Variants in ASIC2 observed in about 807,000 individuals in gnomAD.
ASIC2 encodes the protein acid-sensing ion channel 2.
A neutral mutation model predicts 57.3 loss-of-function variants in ASIC2; 25 were observed. That is an observed-to-expected ratio of 0.44 (90% CI 0.32 to 0.61). The LOEUF (loss-of-function observed/expected upper bound fraction) is 0.61, where lower values mean the gene tolerates loss of function less well. Among genes scored for constraint, ASIC2 ranks in the 20% least tolerant of loss-of-function variants. The pLI, the probability that ASIC2 is intolerant of heterozygous loss-of-function variation, is 0.06. For missense variants in ASIC2, 641 were observed against 738.1 expected, an observed-to-expected ratio of 0.87 and a Z score of 1.52; for synonymous variants, 319 against 307.5, an observed-to-expected ratio of 1.04 and a Z score of -0.39.
chr17:33,302,313 AT>A (rs1016206917), intron 1 of ASIC2, among the ~76,000 whole-genome samples: 1 of 152,236 alleles, frequency 6.6e-6, no homozygotes, highest in Non-Finnish European at 1.5e-5. Context: ...ACGAAAAGAT[AT>A]GCAGCTAAAA....
At chr17:33,438,850 T>C (rs1463973151) in intron 1 of ASIC2, among the ~76,000 whole-genome samples, 1 of 61,900 alleles carries the variant, frequency 1.6e-5, no homozygotes, top group Admixed American at 1.5e-4. Flanking sequence ...AGGGGAACCT[T>C]TTTTTTTTTT....
In ASIC2 at chr17:33,418,028, A is replaced by ATGTGTGTGTGTG. The variant is rs1161141315; in HGVS notation, c.556-305973_556-305962dup. On this transcript the variant is annotated intron_variant, in intron 1 of 9. Coordinates refer to the ASIC2 transcript ENST00000359872. ...CCACTCTGGCTCTCAGCATGTATGTATGTGTGTGTGTGTGTGTGTGTGTGT... is the reference window on the plus strand; with the variant it reads ...CCACTCTGGCTCTCAGCATGTATGTATGTGTGTGTGTGTGTGTGTGTGTGTGTGTGTGTGTGT... Among the ~76,000 whole-genome samples, 195 of 67,778 alleles carry ATGTGTGTGTGTG rather than the reference A, an allele frequency of 2.9e-3. 1 individual carries two copies. Among genetic ancestry groups the ATGTGTGTGTGTG allele is most frequent in the African/African-American group, 6.3e-3 (170 of 26,996 alleles). The allele number at this position is 67,778 out of a possible 152,430, so 44.5% of individuals were successfully genotyped here.
intron 1 of ASIC2, among the ~76,000 whole-genome samples, chr17:33,503,678 G>A (rs551495596): frequency 6.6e-6 from 1 of 152,268 alleles, no homozygotes; most frequent in African/African-American, 2.4e-5. Context: ...TGGATTAGGA[G>A]GAAAAGGACC....
At chr17:33,130,076 A>G (rs1284400208) in intron 1 of ASIC2, among the ~76,000 whole-genome samples, 1 of 152,118 alleles carries the variant, frequency 6.6e-6, no homozygotes, top group Non-Finnish European at 1.5e-5. Context: ...GTAAGCCCCT[A>G]GTAAAACCCC....
intron 1 of ASIC2, among the ~76,000 whole-genome samples, chr17:33,772,620 A>G (rs1048120094): frequency 1.3e-5 from 2 of 152,262 alleles, no homozygotes; most frequent in African/African-American, 4.8e-5. Flanking sequence ...TGTGGTATAC[A>G]AAGATACACT....
intron 1 of ASIC2, among the ~76,000 whole-genome samples, chr17:33,949,394 T>TCTGC (rs1241286482): frequency 2.6e-5 from 4 of 152,130 alleles, no homozygotes; most frequent in Non-Finnish European, 5.9e-5. Flanking sequence ...CCAACTCAAA[T>TCTGC]CTGCATAGCC....
rs545820080 is a variant in ASIC2, at chr17:34,084,959, A to C, written c.555+71019T>G. Among the ~76,000 whole-genome samples the C allele has an allele frequency of 2.6e-5, 4 of 152,332 alleles. No homozygotes were observed. In the East Asian group the frequency reaches 7.7e-4, roughly 29 times the overall value. ...TGGGGCTGAGACGATGGGGTTTTCT[A>C]GATATACAATCATGTTGTCTGCAAA... On this transcript the variant is annotated intron_variant, in intron 1 of 9. Coordinates refer to the ASIC2 transcript ENST00000359872.
intron 1 of ASIC2, among the ~76,000 whole-genome samples, chr17:33,418,020 A>ATGTGTG (rs1393294975): frequency 1.7e-4 from 20 of 117,644 alleles, no homozygotes; most frequent in African/African-American, 7.0e-4. Flanking sequence ...GGCTCTCAGC[A>ATGTGTG]TGTATGTATG....
At chr17:33,412,380 G>C (rs1373680863) in intron 1 of ASIC2, among the ~76,000 whole-genome samples, 1 of 152,136 alleles carries the variant, frequency 6.6e-6, no homozygotes, top group Non-Finnish European at 1.5e-5. Context: ...GGGTAGAGAG[G>C]GGGTGCTGAC....
Position 33,021,234 on chromosome 17 carries a change from C to A in ASIC2, c.1426G>T (p.Val476Phe). 1.4e-6 allele frequency: 2 copies of A among 1,464,126 alleles called. No homozygotes were observed. Among genetic ancestry groups the A allele is most frequent in the Non-Finnish European group, 1.8e-6 (2 of 1,084,720 alleles). The allele number at this position is 1,464,126 out of a possible 1,614,324, so 90.7% of individuals were successfully genotyped here. Residue 476 changes from valine (V) to phenylalanine (F), a missense_variant, in exon 7 of 10, where the codon GTT becomes TTT. By Grantham distance (50) the Val-to-Phe change is conservative. Transcript: ENST00000225823. Reference protein sequence around the residue: ...ETIEQKKAYEVAALLGDIGGQ... With the variant: ...ETIEQKKAYEFAALLGDIGGQ... Reference sequence around the variant, plus strand: ...ACTGACTTACCAAGTAAGGCAGCAACTTCATACGCCTTCTTCTGTTCAATT... The same window carrying A: ...ACTGACTTACCAAGTAAGGCAGCAAATTCATACGCCTTCTTCTGTTCAATT...
chr17:34,052,066 C>T (rs1908589518), intron 1 of ASIC2, among the ~76,000 whole-genome samples: 1 of 152,186 alleles, frequency 6.6e-6, no homozygotes. Flanking sequence ...GATTCATCCA[C>T]TCTTTCATCC....
intron 1 of ASIC2, among the ~76,000 whole-genome samples, chr17:33,561,322 G>A (rs1916067421): frequency 6.6e-6 from 1 of 152,150 alleles, no homozygotes; most frequent in Non-Finnish European, 1.5e-5. Flanking sequence ...TGACATGCTT[G>A]GGTTTTAAAA....
chr17:33,894,037 T>TTTTTTTTTTTTTTTTTTTTTTTTTGAG (rs1915027679), intron 1 of ASIC2, among the ~76,000 whole-genome samples: 1 of 152,124 alleles, frequency 6.6e-6, no homozygotes, highest in Non-Finnish European at 1.5e-5. Context: ...ATTTTGTTTT[T>TTTTTTTTTTTTTTTTTTTTTTTTTGAG]AAAGCTGATT....
At chr17:33,160,310 G>C (rs1905127834) in intron 1 of ASIC2, among the ~76,000 whole-genome samples, 1 of 152,074 alleles carries the variant, frequency 6.6e-6, no homozygotes, top group African/African-American at 2.4e-5. Context: ...CTCCCACCTG[G>C]AACCTCTCAG....
At chr17:33,916,972 G>A (rs911947966) in intron 1 of ASIC2, among the ~76,000 whole-genome samples, 7 of 152,160 alleles carry the variant, frequency 4.6e-5, no homozygotes, top group Admixed American at 4.6e-4. Flanking sequence ...ACACTGGTGA[G>A]TGGTGGTGTG....
At chr17:33,364,959 C>A (rs970743558) in intron 1 of ASIC2, among the ~76,000 whole-genome samples, 1 of 152,192 alleles carries the variant, frequency 6.6e-6, no homozygotes, top group African/African-American at 2.4e-5. Context: ...CCACATCTGG[C>A]CAGGCCATCC....
intron 1 of ASIC2, among the ~76,000 whole-genome samples, chr17:33,175,344 A>G (rs1200192839): frequency 6.6e-6 from 1 of 152,216 alleles, no homozygotes; most frequent in Non-Finnish European, 1.5e-5. Context: ...TCTTCCAAGT[A>G]GCTGTTTCCA....
At chr17:33,483,737 T>C (rs879617221) in intron 1 of ASIC2, among the ~76,000 whole-genome samples, 1 of 152,230 alleles carries the variant, frequency 6.6e-6, no homozygotes, top group Admixed American at 6.5e-5. Context: ...TTATGGCCTA[T>C]AAATTGGAAG....
At chr17:33,137,261 G>A (rs1272785907) in intron 1 of ASIC2, among the ~76,000 whole-genome samples, 3 of 152,226 alleles carry the variant, frequency 2.0e-5, no homozygotes, top group Non-Finnish European at 4.4e-5. Flanking sequence ...CGCTGGGCTA[G>A]CTAGGGTTAA....
Sources: allele counts gnomAD v4.1 joint callset (sites outside exome capture counted in the v4.1 genomes callset), GRCh38; gene constraint gnomAD v4.1.1; transcripts MANE v1.5; gene names NCBI Gene and HGNC (gene_info 2026-07-23, HGNC 2026-07-21).